Variants in ZNF804B observed in about 807,000 individuals in gnomAD.
The protein encoded by ZNF804B is zinc finger 804B.
ZNF804B carries 80 observed loss-of-function variants against 101.4 expected under a neutral mutation model. That is an observed-to-expected ratio of 0.79 (90% confidence interval 0.66 to 0.95). The LOEUF (loss-of-function observed/expected upper bound fraction) is 0.95, where lower values mean the gene tolerates loss of function less well. Among genes scored for constraint, ZNF804B ranks in the 40% least tolerant of loss-of-function variants. ZNF804B has a pLI of 0.00. For synonymous variants in ZNF804B, 622 were observed against 558.8 expected (o/e 1.11, Z -1.59); for missense variants, 1,673 against 1,561.9 (o/e 1.07, Z -1.20).
In ZNF804B at chr7:89,154,828, T is replaced by C. The variant is rs371149485; in HGVS notation, c.109-63327T>C. The stretch of plus-strand genomic sequence containing the variant: ...TGATAGCACATCAGAGTAAATATAG[T>C]CAATAATCAATATACATTTAAAAAT... On this transcript the variant is annotated intron_variant, in intron 1 of 3. Transcript: ENST00000333190. Among the ~76,000 whole-genome samples, 129 of 152,094 alleles carry C rather than the reference T, an allele frequency of 8.5e-4. 1 individual carries two copies. The South Asian group carries it at 0.027, about 32-fold the overall frequency.
chr7:89,026,069 T>C (rs940142734), intron 1 of ZNF804B, among the ~76,000 whole-genome samples: 1 of 152,166 alleles, frequency 6.6e-6, no homozygotes, highest in Non-Finnish European at 1.5e-5. Context: ...GTATGCATGA[T>C]GCATTCCTTC....
intron 2 of ZNF804B, among the ~76,000 whole-genome samples, chr7:89,245,009 C>G (rs1383705926): frequency 6.6e-6 from 1 of 152,014 alleles, no homozygotes; most frequent in African/African-American, 2.4e-5. Flanking sequence ...ACATAATACT[C>G]AAGTTAAAGT....
Position 88,759,895 on chromosome 7 carries a change from G to C in ZNF804B, c.-82G>C. 6 of 1,190,352 alleles carry C rather than the reference G, an allele frequency of 5.0e-6. No homozygotes were observed. Among genetic ancestry groups the C allele is most frequent in the Non-Finnish European group, 2.5e-6 (2 of 802,778 alleles). 73.7% of individuals were successfully genotyped at this position (1,190,352 alleles called of 1,614,324 possible). A position where few individuals can be genotyped will look rare whatever the true frequency, so the allele number is the denominator to read the frequency against. ...GTCTTCTCGGGAGGTGGTAGTCGCT[G>C]TTGCCGCTGAGAAACCCGCCCGCTT... On this transcript the variant is annotated 5_prime_UTR_variant, in exon 1 of 4. Coordinates refer to ENST00000333190, the MANE Select transcript of ZNF804B (RefSeq NM_181646.5).
chr7:89,112,168 C>A (rs1216782033), intron 1 of ZNF804B, among the ~76,000 whole-genome samples: 1 of 150,820 alleles, frequency 6.6e-6, no homozygotes, highest in Non-Finnish European at 1.5e-5. Flanking sequence ...TTACAATGGA[C>A]AGACTACACA....
At chr7:89,199,443 CTT>C (rs1788599514) in intron 1 of ZNF804B, among the ~76,000 whole-genome samples, 1 of 151,864 alleles carries the variant, frequency 6.6e-6, no homozygotes, top group Non-Finnish European at 1.5e-5. Flanking sequence ...CAAAACAAAA[CTT>C]AGGAAATATG....
intron 1 of ZNF804B, among the ~76,000 whole-genome samples, chr7:88,771,736 A>T (rs1402827444): frequency 1.3e-5 from 2 of 152,144 alleles, no homozygotes; most frequent in African/African-American, 4.8e-5. Context: ...GAAGGATTTC[A>T]TTATCTTTTC....
At chr7:89,289,426 A>G (rs1790254154) in intron 2 of ZNF804B, among the ~76,000 whole-genome samples, 1 of 152,184 alleles carries the variant, frequency 6.6e-6, no homozygotes, top group Admixed American at 6.5e-5. Flanking sequence ...TCTGGTTTTA[A>G]ATTAATATCC....
chr7:88,811,923 T>A (rs1489807972), intron 1 of ZNF804B, among the ~76,000 whole-genome samples: 1 of 152,132 alleles, frequency 6.6e-6, no homozygotes, highest in Non-Finnish European at 1.5e-5. Flanking sequence ...GGTACACATT[T>A]ATCTCTGTAA....
intron 1 of ZNF804B, among the ~76,000 whole-genome samples, chr7:89,005,931 A>G (rs1462816112): frequency 1.3e-5 from 2 of 152,144 alleles, no homozygotes; most frequent in East Asian, 3.9e-4. Flanking sequence ...TTTAATTTAC[A>G]GAAGAAAGGA....
chr7:88,776,458 C>T (rs1277984429), intron 1 of ZNF804B, among the ~76,000 whole-genome samples: 2 of 150,972 alleles, frequency 1.3e-5, no homozygotes, highest in Non-Finnish European at 2.9e-5. Context: ...TCACAACTCT[C>T]ATAATAAAAA....
At chr7:88,859,079 T>C (rs894646178) in intron 1 of ZNF804B, among the ~76,000 whole-genome samples, 1 of 152,098 alleles carries the variant, frequency 6.6e-6, no homozygotes, top group African/African-American at 2.4e-5. Flanking sequence ...ATTGGACCTC[T>C]GTCTAATGAG....
At chr7:89,031,698 G>A (rs1470566492) in intron 1 of ZNF804B, among the ~76,000 whole-genome samples, 1 of 148,106 alleles carries the variant, frequency 6.8e-6, no homozygotes, top group Non-Finnish European at 1.5e-5. Flanking sequence ...CGAAAGATTT[G>A]AATAACTAAT....
At chr7:88,818,716 C>T (rs1274371717) in intron 1 of ZNF804B, among the ~76,000 whole-genome samples, 1 of 152,186 alleles carries the variant, frequency 6.6e-6, no homozygotes, top group South Asian at 2.1e-4. Context: ...GTGACTTTCT[C>T]CTCTGCCACT....
chr7:89,331,262 G>C, intron 3 of ZNF804B, among the ~76,000 whole-genome samples: 1 of 151,674 alleles, frequency 6.6e-6, no homozygotes, highest in East Asian at 1.9e-4. Flanking sequence ...GAATGCTGCA[G>C]CTGTTTCTGG....
intron 1 of ZNF804B, among the ~76,000 whole-genome samples, chr7:89,171,358 C>CTTCTTCTTCTT (rs71120065): frequency 1.9e-5 from 2 of 102,578 alleles, no homozygotes; most frequent in Non-Finnish European, 4.4e-5. Flanking sequence ...TCTTCTTCTT[C>CTTCTTCTTCTT]CTCCTCTTCC....
In ZNF804B at chr7:89,232,984, C is replaced by T. The variant is rs566051348; in HGVS notation, c.249+14689C>T. ...TCGCCCAGGCTGGAGTGCAGTGGCGCGATCTCCACTCACTGCAAGCTCCGC... is the reference window on the plus strand; with the variant it reads ...TCGCCCAGGCTGGAGTGCAGTGGCGTGATCTCCACTCACTGCAAGCTCCGC... On this transcript the variant is annotated intron_variant, in intron 2 of 3. Coordinates refer to ENST00000333190, the MANE Select transcript of ZNF804B (RefSeq NM_181646.5). Among the ~76,000 whole-genome samples, 612 of 151,964 alleles carry T rather than the reference C, an allele frequency of 4.0e-3. 4 individuals carry two copies. Among genetic ancestry groups the T allele is most frequent in the Admixed American group, 6.3e-3 (97 of 15,276 alleles).
chr7:88,826,174 A>G (rs927306314), intron 1 of ZNF804B, among the ~76,000 whole-genome samples: 5 of 152,226 alleles, frequency 3.3e-5, no homozygotes, highest in African/African-American at 1.2e-4. Context: ...CTCAGCCATC[A>G]TGAATAAATT....
chr7:89,041,198 G>A (rs997054024), intron 1 of ZNF804B, among the ~76,000 whole-genome samples: 7 of 152,176 alleles, frequency 4.6e-5, no homozygotes, highest in Non-Finnish European at 1.0e-4. Context: ...GCCTGACTCT[G>A]AGATGTACCT....
At chr7:88,772,897 G>A (rs111253110) in intron 1 of ZNF804B, among the ~76,000 whole-genome samples, 2,470 of 152,250 alleles carry the variant, frequency 0.016, 52 homozygotes, top group African/African-American at 0.051. Context: ...TTAAAGGTGG[G>A]GGGAAGGTCT....
Sources: gnomAD v4.1 joint callset for allele counts (sites outside exome capture counted in the v4.1 genomes callset) on GRCh38, gnomAD v4.1.1 for gene constraint, MANE v1.5 for transcripts, NCBI Gene and HGNC (gene_info 2026-07-23, HGNC 2026-07-21) for gene names.